DMD: variants seen among roughly 807,000 people sequenced by gnomAD.
DMD encodes dystrophin, also known as mutant dystrophin.
A neutral mutation model predicts 330.1 loss-of-function variants in DMD; 63 were observed. That is an observed-to-expected ratio of 0.19 (90% CI 0.16 to 0.24). The LOEUF (loss-of-function observed/expected upper bound fraction) is 0.24. Among genes scored for constraint, DMD ranks in the 10% least tolerant of loss-of-function variants. The probability of loss-of-function intolerance (pLI) is 1.00; values close to 1 mark genes in which losing one functional copy is unlikely to be tolerated. For missense variants in DMD, 3,344 were observed against 2,684.1 expected (o/e 1.25, Z -5.43); for synonymous variants, 1,223 against 959.8 (o/e 1.27, Z -5.07).
At position 31,424,590 on chromosome X, in the gene DMD, C is replaced by A. The variant is rs539939149; in HGVS notation, c.9084+19891G>T. On this transcript the variant is annotated intron_variant, in intron 60 of 78. Coordinates refer to ENST00000357033, the MANE Select transcript of DMD (RefSeq NM_004006.3). ...AGACATCAGTTTTTTACGTAAAGTG[C>A]AAACTAACCACTGTAAGGTGTAGTC... 8.5e-4 allele frequency among the ~76,000 whole-genome samples: 95 copies of A among 112,162 alleles called. No homozygotes were observed. The South Asian group carries it at 0.034, about 40-fold the overall frequency.
At chrX:33,326,406 AAAG>A (rs1257155068) in intron 1 of DMD, among the ~76,000 whole-genome samples, 2 of 112,175 alleles carry the variant, frequency 1.8e-5, no homozygotes, top group Non-Finnish European at 1.9e-5. Flanking sequence ...AGCCAAAAGT[AAAG>A]AAGAGGCACT....
Position 31,875,178 on chromosome X carries a change from AG to A in DMD, c.7098+9del, listed in dbSNP as rs2093949239. On this transcript the variant is annotated intron_variant, in intron 48 of 78. Transcript: ENST00000357033. ...AAAGACAAAAATATTTAAAGCAAAA[AG>A]TTCCCTACCTTAACGTCAAATGGTC... 8.4e-7 allele frequency: 1 copy of A among 1,196,169 alleles called. No individual in the cohort carries two copies. Among genetic ancestry groups the A allele is most frequent in the Non-Finnish European group, 1.1e-6 (1 of 887,119 alleles).
chrX:32,160,186 A>G (rs1314357319), intron 44 of DMD, among the ~76,000 whole-genome samples: 1 of 108,766 alleles, frequency 9.2e-6, no homozygotes, highest in Non-Finnish European at 1.9e-5. Context: ...CATTCAATGA[A>G]CATTTATTGC....
intron 44 of DMD, among the ~76,000 whole-genome samples, chrX:32,090,583 C>T (rs767014571): frequency 1.8e-5 from 2 of 111,648 alleles, no homozygotes; most frequent in East Asian, 2.8e-4. Flanking sequence ...TCATTCCTTG[C>T]TCCATTGCTT....
chrX:31,228,275 T>TAAAAAAAAAAAAAAAAAAAA (rs779738772), intron 63 of DMD, among the ~76,000 whole-genome samples: 1 of 83,998 alleles, frequency 1.2e-5, no homozygotes, highest in Non-Finnish European at 2.4e-5. Context: ...AATAAAAAAA[T>TAAAAAAAAAAAAAAAAAAAA]AAAAAAAAAA....
At chrX:31,317,716 T>A (rs2056134687) in intron 62 of DMD, among the ~76,000 whole-genome samples, 1 of 110,693 alleles carries the variant, frequency 9.0e-6, no homozygotes. Context: ...TTTCACCATG[T>A]TAGCCAGGAT....
At chrX:31,619,497 AT>A (rs1439923435) in intron 55 of DMD, among the ~76,000 whole-genome samples, 1 of 112,178 alleles carries the variant, frequency 8.9e-6, no homozygotes, top group Non-Finnish European at 1.9e-5. Context: ...AATTCATAAA[AT>A]TAATAAGGAC....
chrX:31,890,360 C>CA (rs57846708), intron 47 of DMD, among the ~76,000 whole-genome samples: 27,650 of 72,500 alleles, frequency 0.38, 3,238 homozygotes, highest in Admixed American at 0.44. Flanking sequence ...AAAAACAAAA[C>CA]AAAAAAAAAA....
At chrX:33,082,879 C>G (rs967976208) in intron 1 of DMD, among the ~76,000 whole-genome samples, 6 of 112,218 alleles carry the variant, frequency 5.3e-5, no homozygotes, top group African/African-American at 1.9e-4. Context: ...TCCTAACCCA[C>G]GTTCTATCAC....
intron 1 of DMD, among the ~76,000 whole-genome samples, chrX:33,336,537 A>C (rs369043173): frequency 1.8e-5 from 2 of 111,152 alleles, no homozygotes; most frequent in East Asian, 5.6e-4. Flanking sequence ...TACTTAAAAA[A>C]TAATGATGCT....
chrX:32,748,466 AGT>A (rs1212149572), intron 7 of DMD, among the ~76,000 whole-genome samples: 8 of 111,909 alleles, frequency 7.1e-5, no homozygotes, highest in Non-Finnish European at 1.1e-4. Context: ...ATTTTCATTA[AGT>A]ACCATAGCCA....
intron 1 of DMD, among the ~76,000 whole-genome samples, chrX:33,054,691 G>GA (rs1395698850): frequency 2.7e-5 from 3 of 112,037 alleles, no homozygotes; most frequent in Non-Finnish European, 5.6e-5. Flanking sequence ...GTGGAAAACT[G>GA]AATCACAGGG....
chrX:32,027,687 T>C (rs2095856455), intron 44 of DMD, among the ~76,000 whole-genome samples: 1 of 112,203 alleles, frequency 8.9e-6, no homozygotes, highest in South Asian at 3.7e-4. Context: ...ACAAAAGTTA[T>C]GTCATTTGAA....
Position 31,124,774 on chromosome X carries a change from C to T in DMD, c.11046+1868G>A, listed in dbSNP as rs1003107806. On this transcript the variant is annotated intron_variant, in intron 78 of 78. Coordinates refer to ENST00000357033, the MANE Select transcript of DMD (RefSeq NM_004006.3). ...TGCCTGAGGGAATTGTTTTCCACAG[C>T]GATTGGAATTGAGACTTTCTGGCAA... Among the ~76,000 whole-genome samples the T allele has an allele frequency of 4.5e-5, 5 of 111,810 alleles. No individual in the cohort carries two copies. The Admixed American group carries it at 4.7e-4, about 11-fold the overall frequency.
chrX:31,265,653 A>G (rs1022912688), intron 62 of DMD, among the ~76,000 whole-genome samples: 1 of 109,913 alleles, frequency 9.1e-6, no homozygotes, highest in Non-Finnish European at 1.9e-5. Context: ...AGGGTCAGAG[A>G]CCTTTCATAT....
chrX:32,320,807 C>A (rs1462704858), intron 41 of DMD, among the ~76,000 whole-genome samples: 1 of 111,370 alleles, frequency 9.0e-6, no homozygotes, highest in Non-Finnish European at 1.9e-5. Context: ...AATGTGAAAA[C>A]TAAGATTATA....
In DMD at chrX:31,723,651, C is replaced by T. The variant is rs1603451521; in HGVS notation, c.7660+5980G>A. Among the ~76,000 whole-genome samples, 3 of 108,363 alleles carry T rather than the reference C, an allele frequency of 2.8e-5. No individual in the cohort carries two copies. In the Middle Eastern group the frequency reaches 0.014, roughly 511 times the overall value. The allele number at this position is 108,363 out of a possible 115,157, so 94.1% of individuals were successfully genotyped here. ...ACACACACACACACACACACACACA[C>T]ACACACACACACACACACTCCCATG... On this transcript the variant is annotated intron_variant, in intron 52 of 78. Coordinates refer to ENST00000357033, the MANE Select transcript of DMD (RefSeq NM_004006.3).
At chrX:33,245,655 C>T (rs976106669) in intron 1 of DMD, among the ~76,000 whole-genome samples, 1 of 112,105 alleles carries the variant, frequency 8.9e-6, no homozygotes, top group African/African-American at 3.2e-5. Context: ...GTGCTAGAAT[C>T]TCAGTTTAAA....
chrX:33,294,168 G>A (rs2053552538), intron 1 of DMD, among the ~76,000 whole-genome samples: 1 of 111,304 alleles, frequency 9.0e-6, no homozygotes. Flanking sequence ...AACTTTCACT[G>A]TTCTGACTGA....
Sources: allele counts gnomAD v4.1 joint callset (sites outside exome capture counted in the v4.1 genomes callset), GRCh38; gene constraint gnomAD v4.1.1; transcripts MANE v1.5; gene names NCBI Gene and HGNC (gene_info 2026-07-23, HGNC 2026-07-21).